Variants in AKR1E2 observed in about 807,000 individuals in gnomAD.
The protein encoded by AKR1E2 is aldo-keto reductase family 1 member E2, also known as 1,5-anhydro-D-fructose reductase.
AKR1E2 carries 43 observed loss-of-function variants against 41.9 expected under a neutral mutation model. The observed-to-expected ratio is 1.03, with a 90% CI of 0.80 to 1.32. AKR1E2 has a LOEUF of 1.32. Among genes scored for constraint, AKR1E2 ranks in the 40% most tolerant of loss-of-function variants. AKR1E2 has a pLI of 0.00. For synonymous variants in AKR1E2, 121 were observed against 138.9 expected, an observed-to-expected ratio of 0.87 and a Z score of 0.91; for missense variants, 423 against 396.5, an observed-to-expected ratio of 1.07 and a Z score of -0.57.
At chr10:4,826,683 G>A (rs527937290) in intron 1 of AKR1E2, among the ~76,000 whole-genome samples, 2 of 152,184 alleles carry the variant, frequency 1.3e-5, no homozygotes, top group Non-Finnish European at 2.9e-5. Flanking sequence ...AGCCCTTGAA[G>A]TTACTCAGAA....
downstream of AKR1E2, among the ~76,000 whole-genome samples, chr10:4,851,485 A>G (rs1834526230): frequency 6.6e-6 from 1 of 152,228 alleles, no homozygotes; most frequent in African/African-American, 2.4e-5. Context: ...CTTTGAACAC[A>G]TGGAGAACAA....
At chr10:4,843,911 A>G (rs146732588) in intron 8 of AKR1E2, among the ~76,000 whole-genome samples, 2 of 152,296 alleles carry the variant, frequency 1.3e-5, no homozygotes, top group Non-Finnish European at 2.9e-5. Context: ...CCTGAAAGGT[A>G]TGGATTTGGC....
the AKR1E2 span, among the ~76,000 whole-genome samples, chr10:4,854,734 G>A: frequency 6.6e-6 from 1 of 152,158 alleles, no homozygotes; most frequent in Non-Finnish European, 1.5e-5. Flanking sequence ...AATGGGATTT[G>A]GTAGCAGGCC....
chr10:4,835,846 T>C, intron 4 of AKR1E2, 37 bp downstream of exon 4: 1 of 1,609,900 alleles, frequency 6.2e-7, no homozygotes, highest in Non-Finnish European at 8.5e-7. Context: ...CCTCATCCTG[T>C]GTGGGTCTCC....
chr10:4,870,791 T>C, the AKR1E2 span, among the ~76,000 whole-genome samples: 2 of 152,164 alleles, frequency 1.3e-5, no homozygotes, highest in African/African-American at 4.8e-5. Flanking sequence ...AGATCACTTA[T>C]CTTCTTACTC....
intron 2 of AKR1E2, among the ~76,000 whole-genome samples, chr10:4,832,599 C>T (rs1292801710): frequency 6.6e-6 from 1 of 152,198 alleles, no homozygotes; most frequent in African/African-American, 2.4e-5. Context: ...AAATAAATCA[C>T]ACATATAAGC....
chr10:4,832,403 G>C (rs2131508032), intron 2 of AKR1E2, among the ~76,000 whole-genome samples: 1 of 152,304 alleles, frequency 6.6e-6, no homozygotes, highest in African/African-American at 2.4e-5. Flanking sequence ...AGCAGCCTTG[G>C]TGTGTGCTTG....
chr10:4,867,816 TTGTC>T, the AKR1E2 span, among the ~76,000 whole-genome samples: 2 of 152,214 alleles, frequency 1.3e-5, no homozygotes, highest in African/African-American at 4.8e-5. Context: ...ATGTGACTCA[TTGTC>T]TGGGCTTTGT....
chr10:4,873,141 T>A, the AKR1E2 span, among the ~76,000 whole-genome samples: 1 of 152,128 alleles, frequency 6.6e-6, no homozygotes, highest in Non-Finnish European at 1.5e-5. Context: ...GGGTTTTTCC[T>A]GCGCTGTTCT....
intron 8 of AKR1E2, among the ~76,000 whole-genome samples, chr10:4,845,335 G>A (rs182653301): frequency 7.1e-4 from 108 of 152,326 alleles, no homozygotes; most frequent in African/African-American, 2.0e-3. Flanking sequence ...AGCCGACTCC[G>A]GCCTCGGCCA....
chr10:4,826,497 G>T (rs1832517964), intron 1 of AKR1E2, 134 bp downstream of exon 1: 1 of 843,010 alleles, frequency 1.2e-6, no homozygotes, highest in Non-Finnish European at 1.6e-6. Context: ...CCCGGGAAAG[G>T]CGCTGCTGAG....
At chr10:4,871,767 TCTTAGG>T in the AKR1E2 span, 1 of 152,124 alleles carries the variant, frequency 6.6e-6, no homozygotes, top group African/African-American at 2.4e-5. Flanking sequence ...TGATCCGGGG[TCTTAGG>T]CCAACTTGTG....
At chr10:4,837,897 A>G (rs1833564538) in intron 5 of AKR1E2, among the ~76,000 whole-genome samples, 1 of 152,232 alleles carries the variant, frequency 6.6e-6, no homozygotes, top group Admixed American at 6.5e-5. Context: ...ATCCAGGAAC[A>G]TGGGCCTCCC....
chr10:4,852,345 G>T (rs961261372), downstream of AKR1E2, among the ~76,000 whole-genome samples: 8 of 152,172 alleles, frequency 5.3e-5, no homozygotes, highest in African/African-American at 1.2e-4. Flanking sequence ...GCATGAAAAA[G>T]GCTCCTTCTC....
chr10:4,842,934 G>A (rs1011246141), intron 8 of AKR1E2, among the ~76,000 whole-genome samples: 5 of 144,466 alleles, frequency 3.5e-5, no homozygotes, highest in African/African-American at 5.0e-5. Flanking sequence ...GTGGCCTGAG[G>A]GCACTGCTTT....
chr10:4,830,641 T>A (rs1832895660), intron 1 of AKR1E2, 34 bp from the exon 2 acceptor site: 2 of 1,610,626 alleles, frequency 1.2e-6, no homozygotes, highest in East Asian at 2.2e-5. Context: ...TTCCTCTGAC[T>A]GTGAGAAGAC....
the AKR1E2 span, among the ~76,000 whole-genome samples, chr10:4,866,178 C>T: frequency 6.6e-6 from 1 of 152,186 alleles, no homozygotes. Flanking sequence ...CCACTTCCTC[C>T]TTCCTGTGCT....
At position 4,835,921 on chromosome 10, in the gene AKR1E2, G is replaced by A. The variant is rs1833377261; in HGVS notation, c.459+112G>A. 2.1e-6 allele frequency: 3 copies of A among 1,424,874 alleles called. No homozygotes were observed. The South Asian group carries it at 4.2e-5, about 20-fold the overall frequency. The allele number at this position is 1,424,874 out of a possible 1,614,324, so 88.3% of individuals were successfully genotyped here. A position where few individuals can be genotyped will look rare whatever the true frequency, so the allele number is the denominator to read the frequency against. On this transcript the variant is annotated intron_variant, in intron 4 of 9. Transcript: ENST00000298375. The stretch of plus-strand genomic sequence containing the variant: ...GACATCAAGGTTGTCTACCTGAGAT[G>A]TGGGGTTTGTGGAGCAAAAAAGGAA...
At chr10:4,849,137 G>A (rs1564281536), downstream of AKR1E2, among the ~76,000 whole-genome samples, 1 of 152,156 alleles carries the variant, frequency 6.6e-6, no homozygotes, top group African/African-American at 2.4e-5. Flanking sequence ...CGCCCTAGTG[G>A]GGGTAGGATT....
Sources: allele counts gnomAD v4.1 joint callset (sites outside exome capture counted in the v4.1 genomes callset), GRCh38; gene constraint gnomAD v4.1.1; transcripts MANE v1.5; gene names NCBI Gene and HGNC (gene_info 2026-07-23, HGNC 2026-07-21).